SYT13: variants seen among roughly 807,000 people sequenced by gnomAD.
SYT13 encodes synaptotagmin 13.
A neutral mutation model predicts 38.6 loss-of-function variants in SYT13; 21 were observed. The observed-to-expected ratio is 0.54, with a 90% confidence interval of 0.39 to 0.78. The LOEUF is 0.78. Ranked by LOEUF, SYT13 falls within the 30% of genes least tolerant of loss-of-function variation. The pLI is 0.00. For synonymous variants in SYT13, 241 were observed against 237.6 expected, an observed-to-expected ratio of 1.01 and a Z score of -0.13; for missense variants, 495 against 548.7, an observed-to-expected ratio of 0.90 and a Z score of 0.98.
intron 1 of SYT13, among the ~76,000 whole-genome samples, chr11:45,283,367 C>A (rs886314621): frequency 6.6e-6 from 1 of 152,162 alleles, no homozygotes; most frequent in Non-Finnish European, 1.5e-5. Context: ...CCCCTATTTT[C>A]CAGCCTCCAT....
At chr11:45,276,114 C>T (rs1855007375) in intron 1 of SYT13, among the ~76,000 whole-genome samples, 1 of 152,138 alleles carries the variant, frequency 6.6e-6, no homozygotes, top group African/African-American at 2.4e-5. Context: ...AATCATTCTT[C>T]TATAAAGACA....
rs375303810 is a variant in SYT13 at position 45,246,559 on chromosome 11, C to T, written c.847-47G>A. ...AGGAGGGGAGTCTCACCTGGGGACG[C>T]CTTCCAACCCATCAACAAATGCTGA... On this transcript the variant is annotated intron_variant, in intron 4 of 5. Transcript: ENST00000020926. The T allele has an allele frequency of 2.5e-6, 4 of 1,595,722 alleles. No individual in the cohort carries two copies. In the Admixed American group the frequency reaches 5.2e-5, roughly 21 times the overall value.
chr11:45,250,147 C>T (rs1391713948), intron 4 of SYT13, among the ~76,000 whole-genome samples: 2 of 152,178 alleles, frequency 1.3e-5, no homozygotes, highest in Non-Finnish European at 1.5e-5. Context: ...TTTCTCCTGC[C>T]CTATACACCC....
chr11:45,244,277 G>A lies in SYT13; in HGVS notation c.1056C>T (p.Ile352=). 1 of 1,614,034 alleles carries A rather than the reference G, an allele frequency of 6.2e-7. No homozygotes were observed. Among genetic ancestry groups the A allele is most frequent in the South Asian group, 1.1e-5 (1 of 91,072 alleles). ...TGATCATCTCGTTCCACACGGGGTT[G>A]ATCTTGTGCTTAGCTCGTTTAGTCT... is the stretch of plus-strand genomic sequence containing the variant. The part of the protein sequence containing the change: ...KKQTKRAKHK[I]NPVWNEMIMF... The change falls in exon 6 of 6, where the codon ATC becomes ATT. Residue 352 remains isoleucine, a synonymous_variant. Transcript: ENST00000020926.
intron 1 of SYT13, among the ~76,000 whole-genome samples, chr11:45,285,394 G>C (rs796626002): frequency 6.6e-6 from 1 of 152,170 alleles, no homozygotes; most frequent in Admixed American, 6.5e-5. Flanking sequence ...CCTCTGACTG[G>C]CTGGAGCTCA....
chr11:45,247,516 C>T (rs917278493), intron 4 of SYT13, among the ~76,000 whole-genome samples: 2 of 152,180 alleles, frequency 1.3e-5, no homozygotes, highest in Non-Finnish European at 2.9e-5. Flanking sequence ...TTCCCTCCAG[C>T]TTTGTCCCTC....
At chr11:45,272,527 G>A (rs941299597) in intron 1 of SYT13, among the ~76,000 whole-genome samples, 1 of 152,166 alleles carries the variant, frequency 6.6e-6, no homozygotes. Flanking sequence ...TGACATTTTG[G>A]CAGATTCAAA....
At position 45,252,617 on chromosome 11, in the gene SYT13, A is replaced by T; in HGVS notation, c.650T>A (p.Leu217Gln). 6.2e-7 allele frequency: 1 copy of T among 1,614,114 alleles called. No individual in the cohort carries two copies. The highest frequency in any genetic ancestry group is 8.5e-7 in the Non-Finnish European group (1 of 1,179,976). ...CAGGCCCTCCTCCCAGGTGGTGTGC[A>T]GCTGCCGCTTCTTTAGGGCTGTCTG... is the stretch of plus-strand genomic sequence containing the variant. ...EAQTALKKRQ[L>Q]HTTWEEGLVL... is the part of the protein sequence containing the mutation. Residue 217 changes from leucine (L) to glutamine (Q), a missense_variant, in exon 4 of 6, where the codon CTG becomes CAG. By Grantham distance (113) the Leu-to-Gln change is moderately radical. Transcript: ENST00000020926. The surrounding 1 kb of genome is among the most constrained non-coding windows in gnomAD (Gnocchi z 4.3).
intron 2 of SYT13, 94 bp downstream of exon 2, chr11:45,255,572 C>A: frequency 7.9e-7 from 1 of 1,258,180 alleles, no homozygotes; most frequent in Non-Finnish European, 1.1e-6. Context: ...GGGCACTCGG[C>A]CTCCTCATCA....
intron 1 of SYT13, among the ~76,000 whole-genome samples, chr11:45,279,871 C>T (rs747266058): frequency 2.0e-5 from 3 of 152,082 alleles, no homozygotes; most frequent in African/African-American, 4.8e-5. Context: ...CATGGGGCGT[C>T]CTATCATCAT....
chr11:45,264,096 G>T (rs551801634), intron 1 of SYT13, among the ~76,000 whole-genome samples: 15 of 152,196 alleles, frequency 9.9e-5, no homozygotes, highest in African/African-American at 3.6e-4. Context: ...TTACTCATTT[G>T]TGATAAATAT....
rs1410227577 is a variant in SYT13, at chr11:45,241,102, A to G, written c.*2950T>C. The G allele has an allele frequency of 6.6e-6, 1 of 152,228 alleles. No homozygotes were observed. Among genetic ancestry groups the G allele is most frequent in the African/African-American group, 2.4e-5 (1 of 41,470 alleles). 9.4% of individuals were successfully genotyped at this position (152,228 alleles called of 1,614,324 possible). ...TGTTGATTACATTTACATGGAGAGCAATGAGTTGCCATTAGGCAAATAGTA... is the reference window on the plus strand; with the variant it reads ...TGTTGATTACATTTACATGGAGAGCGATGAGTTGCCATTAGGCAAATAGTA... On this transcript the variant is annotated 3_prime_UTR_variant, in exon 6 of 6. Transcript: ENST00000020926.
At position 45,244,283 on chromosome 11, in the gene SYT13, G is replaced by T. The variant is rs763805318; in HGVS notation, c.1050C>A (p.His350Gln). The T allele has an allele frequency of 6.2e-7, 1 of 1,614,022 alleles. No homozygotes were observed. The change falls in exon 6 of 6, where the codon CAC becomes CAA. Residue 350 changes from histidine to glutamine, a missense_variant. By Grantham distance (24) the His-to-Gln change is conservative (BLOSUM62 0). Coordinates refer to ENST00000020926, the MANE Select transcript of SYT13 (RefSeq NM_020826.3). The part of the protein sequence containing the change: ...LKKKQTKRAK[H>Q]KINPVWNEMI... ...TCTCGTTCCACACGGGGTTGATCTT[G>T]TGCTTAGCTCGTTTAGTCTGCTTCT...
intron 1 of SYT13, among the ~76,000 whole-genome samples, chr11:45,274,855 C>T (rs1468750211): frequency 1.3e-5 from 2 of 152,156 alleles, no homozygotes; most frequent in African/African-American, 2.4e-5. Context: ...GTTTATAATG[C>T]TCTTCCAAAT....
intron 1 of SYT13, among the ~76,000 whole-genome samples, chr11:45,262,923 T>C (rs564069668): frequency 1.3e-4 from 20 of 152,210 alleles, no homozygotes; most frequent in African/African-American, 4.8e-4. Flanking sequence ...TTCTCCTTCC[T>C]CCTCCTCACT....
At chr11:45,281,341 T>A (rs1855071068) in intron 1 of SYT13, among the ~76,000 whole-genome samples, 1 of 152,104 alleles carries the variant, frequency 6.6e-6, no homozygotes. Flanking sequence ...TTTGATCACA[T>A]GTGACAGTGG....
At chr11:45,278,590 T>A (rs1216118937) in intron 1 of SYT13, among the ~76,000 whole-genome samples, 1 of 152,108 alleles carries the variant, frequency 6.6e-6, no homozygotes, top group Admixed American at 6.5e-5. Context: ...TTGACTAGTA[T>A]CTGAAAATCT....
chr11:45,254,193 G>T, intron 3 of SYT13, 77 bp downstream of exon 3: 1 of 1,472,578 alleles, frequency 6.8e-7, no homozygotes, highest in South Asian at 1.4e-5. Context: ...AGCTGCAGAT[G>T]ATCCCATCCT....
In SYT13 at chr11:45,254,289, C is replaced by T. The variant is rs1854715106; in HGVS notation, c.525G>A (p.Leu175=). 1.2e-6 allele frequency: 2 copies of T among 1,611,918 alleles called. No homozygotes were observed. Among genetic ancestry groups the T allele is most frequent in the Non-Finnish European group, 1.7e-6 (2 of 1,179,214 alleles). Residue 175 remains leucine (L), a synonymous_variant, in exon 3 of 6, where the codon TTG becomes TTA. Coordinates refer to ENST00000020926, the MANE Select transcript of SYT13 (RefSeq NM_020826.3). ...CLDYDCQKAE[L]FVTRLEAVTS... ...CCATACCTTCCAGGCGAGTCACAAACAATTCTGCCTTCTGACAGTCATAGT... is the reference window on the plus strand; with the variant it reads ...CCATACCTTCCAGGCGAGTCACAAATAATTCTGCCTTCTGACAGTCATAGT...
Sources: gnomAD v4.1 joint callset for allele counts (sites outside exome capture counted in the v4.1 genomes callset) on GRCh38, gnomAD v4.1.1 for gene constraint, Gnocchi (gnomAD v3.1) non-coding constraint, MANE v1.5 for transcripts, NCBI Gene and HGNC (gene_info 2026-07-23, HGNC 2026-07-21) for gene names.